The following DMD variants were observed in gnomAD, a reference collection of about 807,000 sequenced individuals.
DMD encodes mutant dystrophin.
Under a neutral mutation model 330.1 loss-of-function variants are expected in DMD, and 63 were observed. The observed-to-expected ratio is 0.19, with a 90% confidence interval of 0.16 to 0.24. DMD has a LOEUF of 0.24. Among genes scored for constraint, DMD ranks in the 10% least tolerant of loss-of-function variants. The pLI, the probability that DMD is intolerant of heterozygous loss-of-function variation, is 1.00. For synonymous variants in DMD, 1,223 were observed against 959.8 expected (o/e 1.27, Z -5.07); for missense variants, 3,344 against 2,684.1 (o/e 1.25, Z -5.43).
Position 32,072,806 on chromosome X carries a change from T to A in DMD, c.6439-104292A>T, listed in dbSNP as rs762201790. On this transcript the variant is annotated intron_variant, in intron 44 of 78. Transcript: ENST00000357033. ...TCCAGGTACAGCATCCTTTCCTATT[T>A]TCTCATTTCCTTTAACATCTAGTTT... is the stretch of plus-strand genomic sequence containing the variant. Among the ~76,000 whole-genome samples, 3 of 112,120 alleles carry A rather than the reference T, an allele frequency of 2.7e-5. No individual in the cohort carries two copies. The South Asian group carries it at 1.1e-3, about 41-fold the overall frequency.
intron 44 of DMD, among the ~76,000 whole-genome samples, chrX:32,155,725 A>ATTTGT (rs2096827041): frequency 8.9e-6 from 1 of 111,732 alleles, no homozygotes; most frequent in Non-Finnish European, 1.9e-5. Context: ...CTGATACTTT[A>ATTTGT]AGGAAGATCA....
At chrX:32,386,102 C>T (rs1010473648) in intron 33 of DMD, among the ~76,000 whole-genome samples, 6 of 109,221 alleles carry the variant, frequency 5.5e-5, no homozygotes, top group African/African-American at 2.0e-4. Context: ...AATTCCACAT[C>T]GAAATATGTG....
chrX:31,231,008 C>G (rs57448134), intron 63 of DMD, among the ~76,000 whole-genome samples: 18,018 of 110,901 alleles, frequency 0.16, 1,391 homozygotes, highest in African/African-American at 0.3. Flanking sequence ...AACTGTGTAT[C>G]TTAAGTACCA....
intron 44 of DMD, among the ~76,000 whole-genome samples, chrX:31,975,800 G>A (rs1255126548): frequency 1.8e-5 from 2 of 112,025 alleles, no homozygotes; most frequent in Non-Finnish European, 3.8e-5. Flanking sequence ...GCCATTTGGC[G>A]GGTAGAGGGT....
At chrX:31,648,532 T>C (rs1210854373) in intron 54 of DMD, among the ~76,000 whole-genome samples, 2 of 94,193 alleles carry the variant, frequency 2.1e-5, no homozygotes, top group Admixed American at 1.3e-4. Flanking sequence ...AAACACTCGG[T>C]ATAAGACAAA....
At position 31,120,247 on chromosome X, in the gene DMD, T is replaced by G. The variant is rs960015365; in HGVS notation, c.*1672A>C. ...CAGTCCTTAGCTTTTCCTCTTGAGC[T>G]TTTCTCCTCTTTTTTGAGCAATTTT... On this transcript the variant is annotated 3_prime_UTR_variant, in exon 79 of 79. Coordinates refer to ENST00000357033, the MANE Select transcript of DMD (RefSeq NM_004006.3). 2 of 112,342 alleles carry G rather than the reference T, an allele frequency of 1.8e-5. No individual in the cohort carries two copies. The highest frequency in any genetic ancestry group is 3.2e-5 in the African/African-American group (1 of 30,852). 9.3% of individuals were successfully genotyped at this position (112,342 alleles called of 1,213,427 possible).
At chrX:32,655,349 A>G (rs12396633) in intron 9 of DMD, among the ~76,000 whole-genome samples, 2 of 111,744 alleles carry the variant, frequency 1.8e-5, no homozygotes, top group Non-Finnish European at 3.8e-5. Flanking sequence ...CTTTGTTCTC[A>G]TTGGTTTCAA....
At chrX:32,341,008 T>C (rs1188487123) in intron 41 of DMD, among the ~76,000 whole-genome samples, 1 of 112,118 alleles carries the variant, frequency 8.9e-6, no homozygotes, top group African/African-American at 3.2e-5. Context: ...CACAATAATA[T>C]GCAACATACT....
chrX:32,046,572 CT>C (rs2096065767), intron 44 of DMD, among the ~76,000 whole-genome samples: 1 of 111,618 alleles, frequency 9.0e-6, no homozygotes, highest in Non-Finnish European at 1.9e-5. Context: ...ATTTGATGAG[CT>C]TCATATTTGT....
intron 30 of DMD, among the ~76,000 whole-genome samples, chrX:32,398,907 G>C (rs1230860505): frequency 9.0e-6 from 1 of 111,101 alleles, no homozygotes; most frequent in Non-Finnish European, 1.9e-5. Context: ...CAGCCCAATA[G>C]AACAGAATAG....
At chrX:31,609,238 T>G (rs895582113) in intron 55 of DMD, among the ~76,000 whole-genome samples, 1 of 111,678 alleles carries the variant, frequency 9.0e-6, no homozygotes, top group Non-Finnish European at 1.9e-5. Flanking sequence ...CAATGTCTAG[T>G]CTAGGGAGCA....
chrX:31,892,244 T>A (rs766716666), intron 47 of DMD, among the ~76,000 whole-genome samples: 9 of 111,790 alleles, frequency 8.1e-5, no homozygotes, highest in South Asian at 7.4e-4. Flanking sequence ...AACAAAAATT[T>A]AAAAAATGGA....
At chrX:32,736,084 C>A (rs1309004262) in intron 7 of DMD, among the ~76,000 whole-genome samples, 2 of 111,902 alleles carry the variant, frequency 1.8e-5, no homozygotes, top group Non-Finnish European at 3.8e-5. Flanking sequence ...AAACAAACAA[C>A]CCCATCAAAA....
chrX:32,155,284 A>C, intron 44 of DMD: 1 of 395,719 alleles, frequency 2.5e-6, no homozygotes, highest in Non-Finnish European at 3.2e-6. Flanking sequence ...CTTACAGAAA[A>C]GCTGCCAGAC....
intron 17 of DMD, among the ~76,000 whole-genome samples, chrX:32,521,475 GT>G (rs200089256): frequency 0.18 from 19,691 of 111,388 alleles, 1,369 homozygotes; most frequent in Middle Eastern, 0.27. Flanking sequence ...TCAAGACCTA[GT>G]TCATTACCAA....
intron 61 of DMD, among the ~76,000 whole-genome samples, chrX:31,344,570 C>T (rs1224942527): frequency 1.8e-5 from 2 of 111,283 alleles, no homozygotes; most frequent in Admixed American, 1.9e-4. Context: ...AGAGAGAGGC[C>T]GGGCGTGGTG....
chrX:31,522,363 C>CTCTATATATATATATATATATATATATA, intron 55 of DMD, among the ~76,000 whole-genome samples: 2 of 35,962 alleles, frequency 5.6e-5, no homozygotes, highest in African/African-American at 1.9e-4. Context: ...CTCTCTCTCT[C>CTCTATATATATATATATATATATATATA]TATATATATA....
chrX:32,630,329 T>G (rs1166184800), intron 11 of DMD, among the ~76,000 whole-genome samples: 1 of 111,501 alleles, frequency 9.0e-6, no homozygotes, highest in Admixed American at 9.6e-5. Flanking sequence ...TGTGATTTTT[T>G]TTTTTATATG....
chrX:32,654,941 T>G (rs2060450131), intron 9 of DMD, among the ~76,000 whole-genome samples: 1 of 111,936 alleles, frequency 8.9e-6, no homozygotes, highest in South Asian at 3.7e-4. Context: ...TGCGTAGAGG[T>G]GTTTACAGTT....
Sources: gnomAD v4.1 joint callset for allele counts (sites outside exome capture counted in the v4.1 genomes callset) on GRCh38, gnomAD v4.1.1 for gene constraint, MANE v1.5 for transcripts, NCBI Gene and HGNC (gene_info 2026-07-23, HGNC 2026-07-21) for gene names.